Variants in MAPRE1 observed in about 807,000 individuals in gnomAD.
The protein encoded by MAPRE1 is microtubule associated protein RP/EB family member 1.
In MAPRE1, 5 loss-of-function variants were observed where a neutral mutation model predicts 32.1. That is an observed-to-expected ratio of 0.16 (90% confidence interval 0.08 to 0.33). The LOEUF (loss-of-function observed/expected upper bound fraction) is 0.33, where lower values mean the gene tolerates loss of function less well. Among genes scored for constraint, MAPRE1 ranks in the 10% least tolerant of loss-of-function variants. The probability of loss-of-function intolerance (pLI) is 1.00; values close to 1 mark genes in which losing one functional copy is unlikely to be tolerated. For missense variants in MAPRE1, 209 were observed against 327.2 expected (o/e 0.64, Z 2.79); for synonymous variants, 122 against 118.9 (o/e 1.03, Z -0.17).
chr20:32,823,093 A>T (rs2146119635), intron 1 of MAPRE1, among the ~76,000 whole-genome samples: 1 of 152,348 alleles, frequency 6.6e-6, no homozygotes, highest in East Asian at 1.9e-4. Context: ...TATGTGCAAG[A>T]TACTATGAGG....
At chr20:32,833,087 C>T (rs1048107467) in intron 2 of MAPRE1, among the ~76,000 whole-genome samples, 39 of 151,926 alleles carry the variant, frequency 2.6e-4, no homozygotes, top group African/African-American at 8.2e-4. Context: ...CCTATAGTCC[C>T]GCTACTCCAG....
intron 5 of MAPRE1, among the ~76,000 whole-genome samples, chr20:32,845,155 T>C (rs1454289895): frequency 2.0e-5 from 3 of 152,160 alleles, no homozygotes; most frequent in Non-Finnish European, 4.4e-5. Flanking sequence ...ATGTTCCTGC[T>C]TCAGCCTCTT....
At chr20:32,836,081 C>T (rs1438249090) in intron 3 of MAPRE1, among the ~76,000 whole-genome samples, 2 of 152,160 alleles carry the variant, frequency 1.3e-5, no homozygotes, top group Non-Finnish European at 2.9e-5. Flanking sequence ...ATCTCAGCCT[C>T]CCAAGGAGCT....
rs775663601 is a variant in MAPRE1, at chr20:32,825,990, G to T, written c.63G>T (p.Leu21=). 128 of 1,610,520 alleles carry T rather than the reference G, an allele frequency of 7.9e-5. No individual in the cohort carries two copies. The highest frequency in any genetic ancestry group is 1.0e-4 in the Non-Finnish European group (120 of 1,177,336). Residue 21 remains leucine (L), a synonymous_variant, in exon 2 of 7, where the codon CTG becomes CTT. Transcript: ENST00000375571. The part of the protein sequence containing the change: ...TSDNLSRHDM[L]AWINESLQLN... Reference sequence around the variant, plus strand: ...ATAACCTAAGTCGACATGACATGCTGGCCTGGATCAATGAGTCTCTGCAGT... The same window carrying T: ...ATAACCTAAGTCGACATGACATGCTTGCCTGGATCAATGAGTCTCTGCAGT...
At chr20:32,833,937 G>A in intron 3 of MAPRE1, 75 bp downstream of exon 3, 1 of 1,332,096 alleles carries the variant, frequency 7.5e-7, no homozygotes, top group Non-Finnish European at 1.0e-6. Flanking sequence ...GCTAGCTTAT[G>A]ACTTTGGACA....
intron 2 of MAPRE1, among the ~76,000 whole-genome samples, chr20:32,830,490 A>G (rs20654): frequency 0.29 from 43,987 of 151,962 alleles, 6,724 homozygotes; most frequent in East Asian, 0.55. Context: ...TCTTTCTTCC[A>G]GTGTCCCAGG....
intron 1 of MAPRE1, among the ~76,000 whole-genome samples, chr20:32,821,322 A>G (rs907219688): frequency 3.3e-5 from 5 of 152,048 alleles, no homozygotes; most frequent in Non-Finnish European, 5.9e-5. Context: ...GGCAAGAGAG[A>G]TTACTTTCAT....
Position 32,836,753 on chromosome 20 carries a change from C to G in MAPRE1, c.387C>G (p.Ala129=). 1 of 1,614,010 alleles carries G rather than the reference C, an allele frequency of 6.2e-7. No homozygotes were observed. ...GAAAAGACTATGACCCTGTGGCTGC[C>G]AGACAAGGTCAAGAAACTGCAGTGG... ...YDGKDYDPVA[A]RQGQETAVAP... The change falls in exon 4 of 7, where the codon GCC becomes GCG. Residue 129 remains alanine (A), a synonymous_variant. Coordinates refer to ENST00000375571, the MANE Select transcript of MAPRE1 (RefSeq NM_012325.3).
Position 32,848,774 on chromosome 20 carries a change from A to G in MAPRE1, c.*46A>G, listed in dbSNP as rs146841288. On this transcript the variant is annotated 3_prime_UTR_variant, in exon 7 of 7. Coordinates refer to ENST00000375571, the MANE Select transcript of MAPRE1 (RefSeq NM_012325.3). ...ACATCGGAATTCTTCACTCCAAATC[A>G]TGTGCTTAACTGTAAAATACTCCCT... is the stretch of plus-strand genomic sequence containing the variant. 1.2e-3 allele frequency: 1,780 copies of G among 1,535,538 alleles called. 5 individuals are homozygous for G. Among genetic ancestry groups the G allele is most frequent in the Non-Finnish European group, 1.5e-3 (1,728 of 1,117,404 alleles).
chr20:32,828,490 T>C (rs1305959253), intron 2 of MAPRE1, among the ~76,000 whole-genome samples: 1 of 152,272 alleles, frequency 6.6e-6, no homozygotes, highest in Non-Finnish European at 1.5e-5. Flanking sequence ...AGAGCTGTTG[T>C]AGACAGGACT....
At chr20:32,847,382 G>C (rs552122543) in intron 6 of MAPRE1, among the ~76,000 whole-genome samples, 1 of 152,228 alleles carries the variant, frequency 6.6e-6, no homozygotes, top group Non-Finnish European at 1.5e-5. Flanking sequence ...TTATCCGGCT[G>C]TGTCCACTGT....
intron 1 of MAPRE1, among the ~76,000 whole-genome samples, chr20:32,822,227 A>T (rs1355615677): frequency 6.6e-6 from 1 of 152,188 alleles, no homozygotes; most frequent in Non-Finnish European, 1.5e-5. Flanking sequence ...TAGCAGCATG[A>T]TGCACACGAT....
chr20:32,841,845 A>C (rs1404770526), intron 5 of MAPRE1, among the ~76,000 whole-genome samples: 3 of 152,116 alleles, frequency 2.0e-5, no homozygotes, highest in Non-Finnish European at 2.9e-5. Flanking sequence ...ACAGCAGTTG[A>C]GCAGATTATA....
rs996453046 is a variant in MAPRE1 at position 32,835,609 on chromosome 20, T to G, written c.268-1025T>G. 7.2e-5 allele frequency among the ~76,000 whole-genome samples: 11 copies of G among 152,232 alleles called. No individual in the cohort carries two copies. In the East Asian group the frequency reaches 1.7e-3, roughly 24 times the overall value. ...TATTCTTTTTTCTTTTCTTTTCTTT[T>G]CTTTCTTTTTTTTTGAGACAGAGTC... On this transcript the variant is annotated intron_variant, in intron 3 of 6. Coordinates refer to ENST00000375571, the MANE Select transcript of MAPRE1 (RefSeq NM_012325.3).
At chr20:32,834,452 T>C (rs1020665260) in intron 3 of MAPRE1, among the ~76,000 whole-genome samples, 1 of 152,064 alleles carries the variant, frequency 6.6e-6, no homozygotes, top group African/African-American at 2.4e-5. Flanking sequence ...AGCACAAATA[T>C]TACCTCTGTT....
chr20:32,839,535 A>G (rs1421860355), intron 4 of MAPRE1, among the ~76,000 whole-genome samples, 200 bp from the exon 5 acceptor site: 1 of 152,110 alleles, frequency 6.6e-6, no homozygotes, highest in African/African-American at 2.4e-5. Context: ...TTGGTACTTA[A>G]CTCTGCTGCC....
intron 4 of MAPRE1, among the ~76,000 whole-genome samples, chr20:32,839,331 G>A (rs1457221696): frequency 2.0e-5 from 3 of 152,224 alleles, no homozygotes; most frequent in Non-Finnish European, 1.5e-5. Context: ...GTTTGTAGAT[G>A]TGTTAACTAA....
chr20:32,824,737 C>A (rs149532089), intron 1 of MAPRE1, among the ~76,000 whole-genome samples: 1 of 150,188 alleles, frequency 6.7e-6, no homozygotes, highest in Non-Finnish European at 1.5e-5. Flanking sequence ...TGGACTCAGG[C>A]GCTCCTCCCA....
At chr20:32,839,879 C>T (rs201392433) in intron 5 of MAPRE1, 23 bp downstream of exon 5, 20 of 1,613,544 alleles carry the variant, frequency 1.2e-5, no homozygotes, top group Middle Eastern at 1.7e-4. Flanking sequence ...GTGTTTAGCA[C>T]GTGAGTCACC....
Sources: allele counts gnomAD v4.1 joint callset (sites outside exome capture counted in the v4.1 genomes callset), GRCh38; gene constraint gnomAD v4.1.1; transcripts MANE v1.5; gene names NCBI Gene and HGNC (gene_info 2026-07-23, HGNC 2026-07-21).